Variants in GRIK5 observed in about 807,000 individuals in gnomAD.
GRIK5 encodes the protein glutamate receptor ionotropic, kainate 5.
In GRIK5, 43 loss-of-function variants were observed where a neutral mutation model predicts 97.4. The observed-to-expected ratio is 0.44, with a 90% CI of 0.35 to 0.57. The LOEUF (loss-of-function observed/expected upper bound fraction) is 0.57, where lower values mean the gene tolerates loss of function less well. Ranked by LOEUF, GRIK5 falls within the 20% of genes least tolerant of loss-of-function variation. The pLI is 0.01. For synonymous variants in GRIK5, 580 were observed against 583.5 expected, an observed-to-expected ratio of 0.99 and a Z score of 0.09; for missense variants, 1,015 against 1,382.0, an observed-to-expected ratio of 0.73 and a Z score of 4.21.
intron 11 of GRIK5, among the ~76,000 whole-genome samples, chr19:42,050,312 G>A (rs2076096596): frequency 6.6e-6 from 1 of 152,106 alleles, no homozygotes; most frequent in Non-Finnish European, 1.5e-5. Flanking sequence ...GTGTGTGGAT[G>A]GCAGTGCCAG....
chr19:42,047,972 C>CAAAAAAAAAAAA (rs552963887), intron 11 of GRIK5, among the ~76,000 whole-genome samples: 1 of 54,952 alleles, frequency 1.8e-5, no homozygotes, highest in Non-Finnish European at 3.5e-5. Flanking sequence ...GACTCTGTCT[C>CAAAAAAAAAAAA]AAAAAAAAAA....
chr19:42,056,461 C>T (rs2076185247), intron 8 of GRIK5, among the ~76,000 whole-genome samples: 1 of 152,034 alleles, frequency 6.6e-6, no homozygotes, highest in Non-Finnish European at 1.5e-5. Flanking sequence ...ATCAGAGGCA[C>T]CTCGAGGAGC....
chr19:42,054,521 C>A, intron 8 of GRIK5, 49 bp from the exon 9 acceptor site: 1 of 1,592,584 alleles, frequency 6.3e-7, no homozygotes, highest in South Asian at 1.1e-5. Flanking sequence ...GCTGCCTAGG[C>A]AGAGGAGCCC....
chr19:42,008,228 G>A (rs1197209928), intron 15 of GRIK5, among the ~76,000 whole-genome samples: 2 of 152,062 alleles, frequency 1.3e-5, no homozygotes, highest in African/African-American at 4.8e-5. Context: ...ACGTTGGCAG[G>A]TTGGCCTTGA....
chr19:42,042,734 G>C lies in GRIK5; in HGVS notation c.1291C>G (p.Arg431Gly). 1 of 1,613,550 alleles carries C rather than the reference G, an allele frequency of 6.2e-7. No individual in the cohort carries two copies. The highest frequency in any genetic ancestry group is 8.5e-7 in the Non-Finnish European group (1 of 1,179,918). Residue 431 changes from arginine to glycine, a missense_variant, in exon 12 of 20, where the codon CGG becomes GGG. Coordinates refer to ENST00000593562, the MANE Select transcript of GRIK5 (RefSeq NM_002088.5). This position sits in a 1 kb window ranked among gnomAD's most constrained non-coding sequence, Gnocchi z 6.9. The stretch of plus-strand genomic sequence containing the variant: ...CCCGACAGGGCCTGGAAGTTGGGCC[G>C]GCGCATGACGTATGGGTTCTCCTGG... ...TILENPYVMRRPNFQALSGNE... is the reference protein window; with the variant it reads ...TILENPYVMRGPNFQALSGNE...
At chr19:42,044,699 T>C (rs1250917990) in intron 11 of GRIK5, among the ~76,000 whole-genome samples, 1 of 152,174 alleles carries the variant, frequency 6.6e-6, no homozygotes, top group Non-Finnish European at 1.5e-5. Context: ...CCTGTAACTC[T>C]AACACTTTGG....
chr19:42,013,700 G>C (rs2075593156), intron 15 of GRIK5, among the ~76,000 whole-genome samples: 2 of 151,950 alleles, frequency 1.3e-5, no homozygotes, highest in African/African-American at 4.8e-5. Flanking sequence ...GTGAGCCACC[G>C]CGCCCGGCCT....
chr19:42,064,875 A>T (rs1000712855), intron 3 of GRIK5, among the ~76,000 whole-genome samples: 11 of 152,198 alleles, frequency 7.2e-5, no homozygotes, highest in Non-Finnish European at 1.3e-4. Context: ...AGCCTTCTCC[A>T]GAATGCCTTT....
chr19:42,020,073 C>G (rs1256838925), intron 15 of GRIK5, among the ~76,000 whole-genome samples: 2 of 151,206 alleles, frequency 1.3e-5, no homozygotes, highest in African/African-American at 2.4e-5. Context: ...ACTGTAGCCT[C>G]AACATCCCAG....
At chr19:42,067,936 G>A (rs1037124225) in intron 1 of GRIK5, among the ~76,000 whole-genome samples, 1 of 152,198 alleles carries the variant, frequency 6.6e-6, no homozygotes, top group Non-Finnish European at 1.5e-5. Flanking sequence ...GTGGGCATAG[G>A]AGAGACATCA....
intron 1 of GRIK5, among the ~76,000 whole-genome samples, chr19:42,066,199 CCT>C (rs1272360594): frequency 2.6e-5 from 4 of 152,052 alleles, no homozygotes; most frequent in Admixed American, 1.3e-4. Flanking sequence ...CAGTCCCGCC[CCT>C]GTCTCTGGGC....
rs781816651 is a variant in GRIK5 at position 42,006,775 on chromosome 19, G to A, written c.1907C>T (p.Thr636Met). 1.4e-5 allele frequency: 23 copies of A among 1,611,980 alleles called. No homozygotes were observed. The highest frequency in any genetic ancestry group is 9.9e-5 in the South Asian group (9 of 90,952). ...AFTLIIISSYTANLAAFLTVQ... is the reference protein window; with the variant it reads ...AFTLIIISSYMANLAAFLTVQ... Reference sequence around the variant, plus strand: ...GGTGAGGAAGGCGGCCAGGTTGGCCGTGTAGGAGGAGATGATGATCAAGGT... The same window carrying A: ...GGTGAGGAAGGCGGCCAGGTTGGCCATGTAGGAGGAGATGATGATCAAGGT... The change falls in exon 16 of 20, where the codon ACG (threonine) becomes ATG (methionine). Residue 636 changes from threonine (T) to methionine (M), a missense_variant. Around this residue, in one of 5 missense-constraint regions of GRIK5, gnomAD observed 477 missense variants for 701.1 expected, o/e 0.68. Coordinates refer to ENST00000593562, the MANE Select transcript of GRIK5 (RefSeq NM_002088.5). The surrounding 1 kb of genome is among the most constrained non-coding windows in gnomAD (Gnocchi z 5.3).
intron 5 of GRIK5, among the ~76,000 whole-genome samples, chr19:42,061,802 A>C (rs1599849513): frequency 6.7e-6 from 1 of 149,990 alleles, no homozygotes; most frequent in East Asian, 2.0e-4. Context: ...CCCTCTTGTC[A>C]CTCTCCAGCC....
At chr19:42,054,046 G>C in intron 9 of GRIK5, 117 bp from the exon 10 acceptor site, 1 of 705,734 alleles carries the variant, frequency 1.4e-6, no homozygotes, top group Non-Finnish European at 2.5e-6. Flanking sequence ...GGGTGGAGGG[G>C]ACAAGAGAGA....
In GRIK5 at chr19:42,070,086, C is replaced by G. The variant is rs569855472; in HGVS notation, c.-896G>C. On this transcript the variant is annotated 5_prime_UTR_variant, in exon 1 of 20. Coordinates refer to ENST00000593562, the MANE Select transcript of GRIK5 (RefSeq NM_002088.5). ...CCTGTGAGGAGCCGGCTCCAGTCCC[C>G]GGCTCCAGTCCCCGGCTGGGCCTGC... Among the ~76,000 whole-genome samples the G allele has an allele frequency of 1.3e-5, 2 of 152,090 alleles. No homozygotes were observed. The highest frequency in any genetic ancestry group is 6.5e-5 in the Admixed American group (1 of 15,276).
chr19:42,050,676 A>AT (rs1206738525), intron 11 of GRIK5, among the ~76,000 whole-genome samples: 1 of 151,300 alleles, frequency 6.6e-6, no homozygotes, highest in East Asian at 1.9e-4. Context: ...AAAAAAAAAA[A>AT]TTAAAAAATA....
intron 12 of GRIK5, among the ~76,000 whole-genome samples, chr19:42,028,903 C>G (rs2075804200): frequency 6.6e-6 from 1 of 152,154 alleles, no homozygotes. Flanking sequence ...GACAGTAAGG[C>G]CTTAAAGCTG....
At chr19:42,034,655 C>T (rs2075879490) in intron 12 of GRIK5, among the ~76,000 whole-genome samples, 1 of 152,204 alleles carries the variant, frequency 6.6e-6, no homozygotes, top group East Asian at 1.9e-4. Context: ...AAACTTCTGC[C>T]CTCATAAAAC....
chr19:42,044,810 C>T (rs999445879), intron 11 of GRIK5, among the ~76,000 whole-genome samples: 3 of 152,140 alleles, frequency 2.0e-5, no homozygotes, highest in African/African-American at 4.8e-5. Context: ...ATTAGCCAGG[C>T]GTGCTGGTGT....
Sources: gnomAD v4.1 joint callset for allele counts (sites outside exome capture counted in the v4.1 genomes callset) on GRCh38, gnomAD v4.1.1 for gene constraint, gnomAD v4.1.1 regional missense constraint, Gnocchi (gnomAD v3.1) non-coding constraint, MANE v1.5 for transcripts, NCBI Gene and HGNC (gene_info 2026-07-23, HGNC 2026-07-21) for gene names.